The following ZFYVE28 variants were observed in gnomAD, a reference collection of about 807,000 sequenced individuals.
ZFYVE28 encodes zinc finger FYVE-type containing 28, also known as lateral signaling target protein 2 homolog.
Under a neutral mutation model 82.1 loss-of-function variants are expected in ZFYVE28, and 40 were observed. The ratio of observed to expected loss-of-function variants is 0.49; its 90% CI spans 0.38 to 0.63. The LOEUF (loss-of-function observed/expected upper bound fraction) is 0.63, where lower values mean the gene tolerates loss of function less well. Among genes scored for constraint, ZFYVE28 ranks in the 30% least tolerant of loss-of-function variants. The pLI is 0.00. For missense variants in ZFYVE28, 1,321 were observed against 1,242.1 expected, an observed-to-expected ratio of 1.06 and a Z score of -0.96; for synonymous variants, 612 against 546.1, an observed-to-expected ratio of 1.12 and a Z score of -1.68.
At chr4:2,274,500 A>G (rs1736218676) in intron 8 of ZFYVE28, among the ~76,000 whole-genome samples, 1 of 152,002 alleles carries the variant, frequency 6.6e-6, no homozygotes, top group Admixed American at 6.6e-5. Context: ...CGACTCACCC[A>G]CTGAGGCTGT....
intron 7 of ZFYVE28, among the ~76,000 whole-genome samples, chr4:2,311,873 T>C (rs1717514684): frequency 6.6e-6 from 1 of 152,046 alleles, no homozygotes; most frequent in African/African-American, 2.4e-5. Flanking sequence ...AACTCCTGGG[T>C]TCAAGCAATC....
intron 8 of ZFYVE28, among the ~76,000 whole-genome samples, chr4:2,301,983 C>A (rs533670800): frequency 6.6e-6 from 1 of 152,202 alleles, no homozygotes; most frequent in African/African-American, 2.4e-5. Context: ...CACTTGGGCC[C>A]GAGTGCACGC....
At position 2,332,245 on chromosome 4, in the gene ZFYVE28, C is replaced by T. The variant is rs1416520625; in HGVS notation, c.701+3460G>A. Among the ~76,000 whole-genome samples the T allele has an allele frequency of 6.6e-6, 1 of 152,126 alleles. No individual in the cohort carries two copies. The highest frequency in any genetic ancestry group is 2.4e-5 in the African/African-American group (1 of 41,430). On this transcript the variant is annotated intron_variant, in intron 6 of 12. Coordinates refer to ENST00000290974, the MANE Select transcript of ZFYVE28 (RefSeq NM_020972.3). This position sits in a 1 kb window ranked among gnomAD's most constrained non-coding sequence, Gnocchi z 4.7. Reference sequence around the variant, plus strand: ...GTCACCTGGGGGGTCCCAGGATGCCCACTTCACAGAGGCAGGATCCTGCGA... The same window carrying T: ...GTCACCTGGGGGGTCCCAGGATGCCTACTTCACAGAGGCAGGATCCTGCGA...
rs1276272894 is a variant in ZFYVE28, at chr4:2,332,046, G to A, written c.701+3659C>T. Among the ~76,000 whole-genome samples, 3 of 152,202 alleles carry A rather than the reference G, an allele frequency of 2.0e-5. No homozygotes were observed. Among genetic ancestry groups the A allele is most frequent in the Non-Finnish European group, 4.4e-5 (3 of 68,016 alleles). ...TCAGAAGGGGACGGGAGCCTGGCCC[G>A]CAGCTCATGCTTGGTAAATGTGGCA... On this transcript the variant is annotated intron_variant, in intron 6 of 12. Transcript: ENST00000290974. This position sits in a 1 kb window ranked among gnomAD's most constrained non-coding sequence, Gnocchi z 4.7.
chr4:2,270,571 G>T lies in ZFYVE28; in HGVS notation c.*154C>A. The T allele has an allele frequency of 8.7e-7, 1 of 1,146,094 alleles. No individual in the cohort carries two copies. The highest frequency in any genetic ancestry group is 1.2e-6 in the Non-Finnish European group (1 of 807,002). 71.0% of individuals were successfully genotyped at this position (1,146,094 alleles called of 1,614,324 possible). On this transcript the variant is annotated 3_prime_UTR_variant, in exon 13 of 13. Transcript: ENST00000290974. Reference sequence around the variant, plus strand: ...GGGGTCCCTGCAGGGAGGCTAGCGTGGGCAGGACAGAGGCTCTGGATGCTC... The same window carrying T: ...GGGGTCCCTGCAGGGAGGCTAGCGTTGGCAGGACAGAGGCTCTGGATGCTC...
intron 1 of ZFYVE28, among the ~76,000 whole-genome samples, chr4:2,365,148 G>A (rs1560289414): frequency 2.6e-5 from 4 of 151,766 alleles, no homozygotes; most frequent in Admixed American, 2.0e-4. Flanking sequence ...TGAATGCGGC[G>A]GGGGGACGGG....
At chr4:2,283,425 A>G (rs1283574120) in intron 8 of ZFYVE28, among the ~76,000 whole-genome samples, 7 of 112,904 alleles carry the variant, frequency 6.2e-5, no homozygotes, top group Admixed American at 5.2e-4. Flanking sequence ...CCACCCATCC[A>G]TCCACCCATC....
In ZFYVE28 at chr4:2,367,940, C is replaced by T. The variant is rs184086607; in HGVS notation, c.40-13867G>A. ...CCAGGTGCCCTCCCCTTACCCAGGG[C>T]GACTTGGTGCGTGCCAGTCGCGGCA... On this transcript the variant is annotated intron_variant, in intron 1 of 12. Coordinates refer to ENST00000290974, the MANE Select transcript of ZFYVE28 (RefSeq NM_020972.3). Among the ~76,000 whole-genome samples the T allele has an allele frequency of 3.5e-3, 531 of 152,266 alleles. 3 individuals are homozygous for T. Among genetic ancestry groups the T allele is most frequent in the African/African-American group, 0.012 (497 of 41,574 alleles).
At chr4:2,403,408 C>T (rs1214958277) in intron 1 of ZFYVE28, among the ~76,000 whole-genome samples, 1 of 152,252 alleles carries the variant, frequency 6.6e-6, no homozygotes, top group East Asian at 1.9e-4. Context: ...ATGAGCCTTC[C>T]AGAATTCTCG....
At chr4:2,302,968 C>A (rs1715817010) in intron 8 of ZFYVE28, among the ~76,000 whole-genome samples, 2 of 152,342 alleles carry the variant, frequency 1.3e-5, no homozygotes, top group East Asian at 1.9e-4. Context: ...CCTGCCGCGC[C>A]CTCGTTAAGC....
chr4:2,405,754 A>G (rs1047469210), intron 1 of ZFYVE28, among the ~76,000 whole-genome samples: 13 of 152,210 alleles, frequency 8.5e-5, no homozygotes, highest in African/African-American at 3.1e-4. Flanking sequence ...CAACAGTTTC[A>G]AAATGCCCAC....
At chr4:2,412,125 G>A (rs559092971) in intron 1 of ZFYVE28, among the ~76,000 whole-genome samples, 24 of 152,268 alleles carry the variant, frequency 1.6e-4, no homozygotes, top group Non-Finnish European at 2.4e-4. Flanking sequence ...TGCCTGAGGC[G>A]TACTAAGTCA....
In ZFYVE28 at chr4:2,287,053, C is replaced by G. The variant is rs909655725; in HGVS notation, c.2052-12837G>C. The G allele has an allele frequency of 7.2e-5, 11 of 152,358 alleles. No homozygotes were observed. In the East Asian group the frequency reaches 2.1e-3, roughly 29 times the overall value. The allele number at this position is 152,358 out of a possible 1,614,324, so 9.4% of individuals were successfully genotyped here. A position where few individuals can be genotyped will look rare whatever the true frequency, so the allele number is the denominator to read the frequency against. On this transcript the variant is annotated intron_variant, in intron 8 of 12. Coordinates refer to ENST00000290974, the MANE Select transcript of ZFYVE28 (RefSeq NM_020972.3). ...GACTTGGCCACAAGGCAAGGAAGTG[C>G]CAGGAGCCACCAGAAGCTGGAAGCG...
chr4:2,314,118 T>A (rs911461572), intron 7 of ZFYVE28, among the ~76,000 whole-genome samples: 2 of 152,260 alleles, frequency 1.3e-5, no homozygotes, highest in African/African-American at 4.8e-5. Context: ...GATTGTGACA[T>A]CTTCCTACTG....
At position 2,304,371 on chromosome 4, in the gene ZFYVE28, C is replaced by A. The variant is rs1274546161; in HGVS notation, c.1969G>T (p.Gly657Cys). The change falls in exon 8 of 13, where the codon GGT (glycine) becomes TGT (cysteine). Residue 657 changes from glycine (G) to cysteine (C), a missense_variant. By Grantham distance (159) the Gly-to-Cys change is radical. This residue lies in a region of ZFYVE28 where 978 missense variants were observed against 833.7 expected (regional missense o/e 1.17). Transcript: ENST00000290974. ...SGLQGEAGVA[G>C]QQEPEARELH... The stretch of plus-strand genomic sequence containing the variant: ...TCTCTGGCCTCTGGCTCCTGCTGAC[C>A]TGCAACCCCAGCCTCTCCTTGCAGC... 1.9e-6 allele frequency: 3 copies of A among 1,611,348 alleles called. No homozygotes were observed. Among genetic ancestry groups the A allele is most frequent in the Non-Finnish European group, 2.5e-6 (3 of 1,179,974 alleles).
chr4:2,415,202 A>C (rs1732904452), intron 1 of ZFYVE28, among the ~76,000 whole-genome samples: 1 of 152,274 alleles, frequency 6.6e-6, no homozygotes, highest in Admixed American at 6.5e-5. Flanking sequence ...TTTTATTCAG[A>C]TATCAAAATG....
chr4:2,320,270 C>A lies in ZFYVE28; in HGVS notation c.703G>T (p.Gly235Cys). ...GGTCCGTCCGCATAGACCACGAGGC[C>A]ACTGCATTTGAGACACAAAAGCCAG... ...FSIPRLAIVC[G>C]LVVYADGPLN... Residue 235 changes from glycine (G) to cysteine (C), a missense_variant and splice_region_variant, in exon 7 of 13, where the codon GGC (glycine) becomes TGC (cysteine). By Grantham distance (159) the Gly-to-Cys change is radical. Coordinates refer to ENST00000290974, the MANE Select transcript of ZFYVE28 (RefSeq NM_020972.3). This position sits in a 1 kb window ranked among gnomAD's most constrained non-coding sequence, Gnocchi z 5.1. 6.2e-7 allele frequency: 1 copy of A among 1,613,988 alleles called. No homozygotes were observed. Among genetic ancestry groups the A allele is most frequent in the Non-Finnish European group, 8.5e-7 (1 of 1,179,934 alleles).
At chr4:2,415,250 C>T (rs947419782) in intron 1 of ZFYVE28, among the ~76,000 whole-genome samples, 2 of 152,152 alleles carry the variant, frequency 1.3e-5, no homozygotes, top group Non-Finnish European at 1.5e-5. Context: ...TTTCCAATTG[C>T]TTTTTATAAC....
At chr4:2,322,194 G>T (rs186221444) in intron 6 of ZFYVE28, among the ~76,000 whole-genome samples, 70 of 152,370 alleles carry the variant, frequency 4.6e-4, no homozygotes, top group African/African-American at 1.6e-3. Context: ...AAGTAACGGG[G>T]TGTGGGGGCC....
Sources: gnomAD v4.1 joint callset for allele counts (sites outside exome capture counted in the v4.1 genomes callset) on GRCh38, gnomAD v4.1.1 for gene constraint, gnomAD v4.1.1 regional missense constraint, Gnocchi (gnomAD v3.1) non-coding constraint, MANE v1.5 for transcripts, NCBI Gene and HGNC (gene_info 2026-07-23, HGNC 2026-07-21) for gene names.